Variants in NXPH1 observed in about 807,000 individuals in gnomAD.
NXPH1 encodes neurexophilin-1.
In NXPH1, 5 loss-of-function variants were observed where a neutral mutation model predicts 23.7. That is an observed-to-expected ratio of 0.21 (90% CI 0.11 to 0.44). The LOEUF is 0.44. Ranked by LOEUF, NXPH1 falls within the 20% of genes least tolerant of loss-of-function variation. The probability of loss-of-function intolerance (pLI) is 0.99; values close to 1 mark genes in which losing one functional copy is unlikely to be tolerated. For missense variants in NXPH1, 324 were observed against 321.6 expected, an observed-to-expected ratio of 1.01 and a Z score of -0.06; for synonymous variants, 144 against 122.2, an observed-to-expected ratio of 1.18 and a Z score of -1.18.
At chr7:8,678,953 TTTTTTTTTTTG>T (rs1821005330) in intron 2 of NXPH1, among the ~76,000 whole-genome samples, 4 of 75,112 alleles carry the variant, frequency 5.3e-5, no homozygotes, top group African/African-American at 8.2e-5. Context: ...TTTTTTTTTT[TTTTTTTTTTTG>T]TTGAGACGGA....
At chr7:8,710,352 G>A (rs1481572793) in intron 2 of NXPH1, among the ~76,000 whole-genome samples, 2 of 152,154 alleles carry the variant, frequency 1.3e-5, no homozygotes. Flanking sequence ...TTGCCTATCT[G>A]GAAATCTTGT....
intron 2 of NXPH1, among the ~76,000 whole-genome samples, chr7:8,569,851 G>A (rs764816358): frequency 6.6e-6 from 1 of 151,848 alleles, no homozygotes; most frequent in Non-Finnish European, 1.5e-5. Context: ...GATACCTACG[G>A]TATTACTTTG....
At chr7:8,589,132 T>A (rs1001750697) in intron 2 of NXPH1, among the ~76,000 whole-genome samples, 7 of 152,136 alleles carry the variant, frequency 4.6e-5, no homozygotes, top group African/African-American at 1.7e-4. Flanking sequence ...CAAATTTAAC[T>A]TCTAAAATAT....
chr7:8,487,672 T>A (rs763732587), intron 2 of NXPH1, among the ~76,000 whole-genome samples: 12 of 152,112 alleles, frequency 7.9e-5, no homozygotes, highest in Non-Finnish European at 1.3e-4. Context: ...ATAAATCTTT[T>A]TACTTCATTC....
intron 2 of NXPH1, among the ~76,000 whole-genome samples, chr7:8,687,622 A>G (rs1244558293): frequency 6.6e-6 from 1 of 152,190 alleles, no homozygotes. Context: ...TGCACATAGG[A>G]GCAAAGTGAT....
chr7:8,558,171 G>A (rs1818390426), intron 2 of NXPH1, among the ~76,000 whole-genome samples: 1 of 151,296 alleles, frequency 6.6e-6, no homozygotes, highest in Admixed American at 6.6e-5. Flanking sequence ...GTTTTATATG[G>A]GTTTCTTTAT....
intron 2 of NXPH1, among the ~76,000 whole-genome samples, chr7:8,634,441 T>C (rs1295386705): frequency 6.6e-6 from 1 of 152,176 alleles, no homozygotes; most frequent in Admixed American, 6.5e-5. Flanking sequence ...TCTTTTACTT[T>C]GTAAATTACC....
intron 2 of NXPH1, among the ~76,000 whole-genome samples, chr7:8,638,676 G>A (rs1820258087): frequency 6.6e-6 from 1 of 152,108 alleles, no homozygotes; most frequent in Non-Finnish European, 1.5e-5. Context: ...TCTTTTCTTT[G>A]TCCATGCAGT....
chr7:8,692,623 C>A (rs960180659), intron 2 of NXPH1, among the ~76,000 whole-genome samples: 4 of 152,294 alleles, frequency 2.6e-5, no homozygotes, highest in African/African-American at 4.8e-5. Context: ...TGCTACTCAA[C>A]CTTTCTCATA....
chr7:8,736,503 A>T (rs1403020417), intron 2 of NXPH1, among the ~76,000 whole-genome samples: 3 of 152,116 alleles, frequency 2.0e-5, no homozygotes, highest in Non-Finnish European at 4.4e-5. Context: ...ACTGTTTGTT[A>T]TGATTTCTGT....
intron 2 of NXPH1, among the ~76,000 whole-genome samples, chr7:8,582,942 C>T (rs1243329660): frequency 1.3e-5 from 2 of 152,212 alleles, no homozygotes; most frequent in African/African-American, 4.8e-5. Flanking sequence ...CAGGCCCACG[C>T]CAAGCCACCC....
At chr7:8,666,507 G>A (rs1384799079) in intron 2 of NXPH1, among the ~76,000 whole-genome samples, 1 of 151,964 alleles carries the variant, frequency 6.6e-6, no homozygotes, top group Non-Finnish European at 1.5e-5. Flanking sequence ...TTCTTGTAGT[G>A]GCTTTGCCTG....
intron 2 of NXPH1, among the ~76,000 whole-genome samples, chr7:8,698,515 T>G (rs1027216797): frequency 6.6e-6 from 1 of 152,202 alleles, no homozygotes; most frequent in Non-Finnish European, 1.5e-5. Flanking sequence ...GATTGCTCTA[T>G]GTATAGGTAT....
intron 2 of NXPH1, among the ~76,000 whole-genome samples, chr7:8,721,910 A>C (rs1228141211): frequency 6.6e-6 from 1 of 152,242 alleles, no homozygotes; most frequent in Non-Finnish European, 1.5e-5. Flanking sequence ...TACACTTAGA[A>C]TATGCTATTT....
At chr7:8,496,944 G>A (rs1817347493) in intron 2 of NXPH1, among the ~76,000 whole-genome samples, 1 of 152,048 alleles carries the variant, frequency 6.6e-6, no homozygotes, top group Non-Finnish European at 1.5e-5. Flanking sequence ...ATGTATACAT[G>A]TGCCATGTTG....
chr7:8,459,559 C>A (rs563306538), intron 2 of NXPH1, among the ~76,000 whole-genome samples: 1 of 152,186 alleles, frequency 6.6e-6, no homozygotes, highest in African/African-American at 2.4e-5. Context: ...GCCCTGCCAT[C>A]TTCTTTCTTC....
chr7:8,638,621 G>C (rs1820256614), intron 2 of NXPH1, among the ~76,000 whole-genome samples: 1 of 152,170 alleles, frequency 6.6e-6, no homozygotes, highest in South Asian at 2.1e-4. Context: ...CAAACACTTA[G>C]AGGGGCTTTT....
chr7:8,703,325 G>A (rs543183406), intron 2 of NXPH1, among the ~76,000 whole-genome samples: 1 of 152,170 alleles, frequency 6.6e-6, no homozygotes, highest in South Asian at 2.1e-4. Context: ...CTACTTTAGT[G>A]TTCCATTCAT....
intron 2 of NXPH1, among the ~76,000 whole-genome samples, chr7:8,572,847 G>A (rs1423310552): frequency 6.6e-6 from 1 of 151,746 alleles, no homozygotes; most frequent in African/African-American, 2.4e-5. Context: ...AGAGAAATAA[G>A]GAATTACTTC....
Sources: allele counts gnomAD v4.1 joint callset (sites outside exome capture counted in the v4.1 genomes callset), GRCh38; gene constraint gnomAD v4.1.1; transcripts MANE v1.5; gene names NCBI Gene and HGNC (gene_info 2026-07-23, HGNC 2026-07-21).